PGR: variants seen among roughly 807,000 people sequenced by gnomAD.
PGR encodes the protein progesterone receptor, also known as nuclear receptor subfamily 3 group C member 3.
Under a neutral mutation model 76.1 loss-of-function variants are expected in PGR, and 25 were observed. The observed-to-expected ratio is 0.33, with a 90% CI of 0.24 to 0.46. The LOEUF is 0.46. PGR is among the 20% of genes least tolerant of loss of function. PGR has a pLI of 1.00. For missense variants in PGR, 1,172 were observed against 1,225.3 expected, an observed-to-expected ratio of 0.96 and a Z score of 0.65; for synonymous variants, 579 against 535.0, an observed-to-expected ratio of 1.08 and a Z score of -1.14.
intron 2 of PGR, among the ~76,000 whole-genome samples, chr11:101,117,020 G>T (rs1441707640): frequency 6.6e-6 from 1 of 152,048 alleles, no homozygotes; most frequent in African/African-American, 2.4e-5. Flanking sequence ...AGACATTTGG[G>T]CTGTATTCAG....
At chr11:101,086,141 A>G (rs565671922) in intron 3 of PGR, among the ~76,000 whole-genome samples, 3 of 152,288 alleles carry the variant, frequency 2.0e-5, no homozygotes, top group Admixed American at 1.3e-4. Context: ...AAGAGATACC[A>G]TGAGAAAGGA....
chr11:101,077,777 T>G (rs1366217641), intron 3 of PGR, among the ~76,000 whole-genome samples: 1 of 152,134 alleles, frequency 6.6e-6, no homozygotes, highest in African/African-American at 2.4e-5. Context: ...GGCTGCAGGC[T>G]CCAATGCAGT....
At chr11:101,088,151 T>C (rs911636842) in intron 3 of PGR, among the ~76,000 whole-genome samples, 2 of 152,212 alleles carry the variant, frequency 1.3e-5, no homozygotes, top group African/African-American at 2.4e-5. Flanking sequence ...TGAGCCATAA[T>C]TGTGCCACAG....
chr11:101,089,138 C>A (rs1861593011), intron 3 of PGR, among the ~76,000 whole-genome samples: 1 of 151,966 alleles, frequency 6.6e-6, no homozygotes, highest in Non-Finnish European at 1.5e-5. Context: ...CACAATATAC[C>A]CAGGTAACAA....
chr11:101,087,562 A>G (rs616395), intron 3 of PGR, among the ~76,000 whole-genome samples: 1 of 152,242 alleles, frequency 6.6e-6, no homozygotes, highest in Non-Finnish European at 1.5e-5. Flanking sequence ...CAATTGAAAC[A>G]AAAACAAAAA....
At position 101,058,906 on chromosome 11, in the gene PGR, C is replaced by T. The variant is rs570303848; in HGVS notation, c.2212+3541G>A. 7.2e-5 allele frequency among the ~76,000 whole-genome samples: 11 copies of T among 152,238 alleles called. No homozygotes were observed. In the South Asian group the frequency reaches 2.3e-3, roughly 32 times the overall value. On this transcript the variant is annotated intron_variant, in intron 4 of 7. Transcript: ENST00000325455. ...TTGGGTGATTAAATCTCCCGAAGGCCAGTACTTACTGTAGCAGTGTCCGAG... is the reference window on the plus strand; with the variant it reads ...TTGGGTGATTAAATCTCCCGAAGGCTAGTACTTACTGTAGCAGTGTCCGAG...
At chr11:101,072,519 A>G (rs1565344475) in intron 3 of PGR, among the ~76,000 whole-genome samples, 1 of 152,240 alleles carries the variant, frequency 6.6e-6, no homozygotes, top group Admixed American at 6.5e-5. Context: ...CCCAATTAAA[A>G]GACACAGACC....
In PGR at chr11:101,037,916, C is replaced by T. The variant is rs1430122174; in HGVS notation, c.*1200G>A. On this transcript the variant is annotated 3_prime_UTR_variant, in exon 8 of 8. Transcript: ENST00000325455. Reference sequence around the variant, plus strand: ...AGAGTCACAATTGTAAAATAACATGCTACTGTAACTCAAATGTGCACAAAA... The same window carrying T: ...AGAGTCACAATTGTAAAATAACATGTTACTGTAACTCAAATGTGCACAAAA... The T allele has an allele frequency of 1.9e-5, 4 of 212,978 alleles. No individual in the cohort carries two copies. The highest frequency in any genetic ancestry group is 9.0e-5 in the African/African-American group (4 of 44,222). 13.2% of individuals were successfully genotyped at this position (212,978 alleles called of 1,614,324 possible).
intron 6 of PGR, among the ~76,000 whole-genome samples, chr11:101,046,591 A>G (rs900839638): frequency 5.3e-5 from 8 of 151,784 alleles, no homozygotes; most frequent in Non-Finnish European, 5.9e-5. Context: ...TACTTTGCCA[A>G]TCTTCTCCTT....
chr11:101,053,718 TCTTC>T (rs1307946299), intron 4 of PGR, among the ~76,000 whole-genome samples: 1 of 149,226 alleles, frequency 6.7e-6, no homozygotes, highest in Non-Finnish European at 1.5e-5. Flanking sequence ...CTCCCTCCTT[TCTTC>T]CTTCCCTCTC....
At chr11:101,090,419 G>A (rs1034930095) in intron 3 of PGR, among the ~76,000 whole-genome samples, 1 of 152,178 alleles carries the variant, frequency 6.6e-6, no homozygotes, top group African/African-American at 2.4e-5. Context: ...TACTTTCTAA[G>A]GCAAGCATGC....
intron 3 of PGR, among the ~76,000 whole-genome samples, chr11:101,075,288 C>T (rs1251106588): frequency 1.3e-5 from 2 of 152,016 alleles, no homozygotes; most frequent in Admixed American, 1.3e-4. Context: ...TGAAAGTGGA[C>T]CCCTTCCTTA....
intron 3 of PGR, among the ~76,000 whole-genome samples, chr11:101,066,914 C>G (rs74316192): frequency 6.6e-6 from 1 of 152,196 alleles, no homozygotes; most frequent in Admixed American, 6.5e-5. Flanking sequence ...GGTTTCCCAG[C>G]TTTCACTTTT....
intron 3 of PGR, among the ~76,000 whole-genome samples, chr11:101,085,928 T>C (rs523081): frequency 0.12 from 17,812 of 152,112 alleles, 1,357 homozygotes; most frequent in Non-Finnish European, 0.16. Flanking sequence ...CAGACCAATA[T>C]TGGGTTCCAA....
At chr11:101,112,608 A>C (rs995049606) in intron 2 of PGR, among the ~76,000 whole-genome samples, 2 of 152,214 alleles carry the variant, frequency 1.3e-5, no homozygotes, top group African/African-American at 4.8e-5. Flanking sequence ...CAGGCTGAGA[A>C]GAGAAGGTGG....
At position 101,128,850 on chromosome 11, in the gene PGR, G is replaced by A. The variant is rs1862995082; in HGVS notation, c.221C>T (p.Thr74Met). The change falls in exon 1 of 8, where the codon ACG becomes ATG. Residue 74 changes from threonine to methionine, a missense_variant. This residue lies in a region of PGR where 893 missense variants were observed against 785.9 expected (regional missense o/e 1.14). Coordinates refer to ENST00000325455, the MANE Select transcript of PGR (RefSeq NM_000926.4). Reference sequence around the variant, plus strand: ...GTCCGACAGCGACTGCTGGTCCTGCGTCTTTTCGTCGGAGGGGTCCTGTCC... The same window carrying A: ...GTCCGACAGCGACTGCTGGTCCTGCATCTTTTCGTCGGAGGGGTCCTGTCC... ...CQGQDPSDEK[T>M]QDQQSLSDVE... 2 of 1,614,062 alleles carry A rather than the reference G, an allele frequency of 1.2e-6. No homozygotes were observed. Among genetic ancestry groups the A allele is most frequent in the East Asian group, 4.5e-5 (2 of 44,882 alleles).
intron 3 of PGR, among the ~76,000 whole-genome samples, chr11:101,066,714 C>T (rs1860729521): frequency 6.6e-6 from 1 of 152,190 alleles, no homozygotes; most frequent in Non-Finnish European, 1.5e-5. Context: ...TACACACCTG[C>T]TGCTCTAGCC....
At chr11:101,058,276 TG>T (rs1860363464) in intron 4 of PGR, among the ~76,000 whole-genome samples, 1 of 152,160 alleles carries the variant, frequency 6.6e-6, no homozygotes, top group Non-Finnish European at 1.5e-5. Flanking sequence ...AGAAAAACCA[TG>T]GTTTAGTCTT....
chr11:101,043,123 C>A (rs1859750188), intron 6 of PGR, among the ~76,000 whole-genome samples: 1 of 152,072 alleles, frequency 6.6e-6, no homozygotes, highest in South Asian at 2.1e-4. Flanking sequence ...TGGCAATTTA[C>A]CCACAATAGA....
Sources: allele counts gnomAD v4.1 joint callset (sites outside exome capture counted in the v4.1 genomes callset), GRCh38; gene constraint gnomAD v4.1.1; regional missense constraint gnomAD v4.1.1; transcripts MANE v1.5; gene names NCBI Gene and HGNC (gene_info 2026-07-23, HGNC 2026-07-21).